The following THSD4 variants were observed in gnomAD, a reference collection of about 807,000 sequenced individuals.
THSD4 encodes the protein thrombospondin type 1 domain containing 4.
Under a neutral mutation model 119.0 loss-of-function variants are expected in THSD4, and 69 were observed. That is an observed-to-expected ratio of 0.58 (90% CI 0.48 to 0.71). THSD4 has a LOEUF of 0.71. THSD4 is among the 30% of genes least tolerant of loss of function. The pLI, the probability that THSD4 is intolerant of heterozygous loss-of-function variation, is 0.00. For synonymous variants in THSD4, 524 were observed against 540.4 expected (o/e 0.97, Z 0.42); for missense variants, 1,393 against 1,391.1 (o/e 1.00, Z -0.02).
chr15:71,302,258 C>T (rs948961895), intron 6 of THSD4, among the ~76,000 whole-genome samples: 2 of 152,006 alleles, frequency 1.3e-5, no homozygotes, highest in Non-Finnish European at 2.9e-5. Flanking sequence ...CCAGAGGTGG[C>T]GGAAGGGTAG....
chr15:71,452,260 A>G (rs953640297), intron 7 of THSD4, among the ~76,000 whole-genome samples: 15 of 152,240 alleles, frequency 9.9e-5, no homozygotes, highest in Non-Finnish European at 1.0e-4. Flanking sequence ...TCACTCTGCA[A>G]GGTGATCTCC....
rs576652829 is a variant in THSD4, at chr15:71,637,213, G to A, written c.1153-23317G>A. Among the ~76,000 whole-genome samples the A allele has an allele frequency of 3.9e-5, 6 of 152,160 alleles. No homozygotes were observed. In the South Asian group the frequency reaches 6.2e-4, roughly 16 times the overall value. On this transcript the variant is annotated intron_variant, in intron 7 of 17. Coordinates refer to ENST00000261862, the MANE Select transcript of THSD4 (RefSeq NM_024817.3). ...CAAGTCCAATTAACTATTTTTCACC[G>A]TTGTTTACAGAGCTTTAACTTCTCA... is the stretch of plus-strand genomic sequence containing the variant.
At chr15:71,310,865 G>A (rs772367518) in intron 6 of THSD4, among the ~76,000 whole-genome samples, 20 of 152,162 alleles carry the variant, frequency 1.3e-4, no homozygotes, top group Non-Finnish European at 2.4e-4. Flanking sequence ...GGGGGCAGGA[G>A]AATGTCAAAG....
At chr15:71,217,484 G>C (rs1426346493) in intron 4 of THSD4, among the ~76,000 whole-genome samples, 2 of 151,974 alleles carry the variant, frequency 1.3e-5, no homozygotes, top group Admixed American at 1.3e-4. Flanking sequence ...TTAGCCAGAC[G>C]TGGTGGCGGG....
At chr15:71,318,966 G>T (rs1341371657) in intron 6 of THSD4, among the ~76,000 whole-genome samples, 1 of 152,172 alleles carries the variant, frequency 6.6e-6, no homozygotes, top group Non-Finnish European at 1.5e-5. Context: ...CAGAGTTTCA[G>T]TTTCCTCAGT....
At chr15:71,439,820 A>C (rs1042384852) in intron 7 of THSD4, among the ~76,000 whole-genome samples, 1 of 152,128 alleles carries the variant, frequency 6.6e-6, no homozygotes, top group African/African-American at 2.4e-5. Context: ...CAATGAGAAC[A>C]CATGGACACA....
intron 7 of THSD4, among the ~76,000 whole-genome samples, chr15:71,546,454 G>A (rs1479242560): frequency 5.9e-5 from 9 of 152,166 alleles, no homozygotes; most frequent in Admixed American, 5.9e-4. Context: ...TTCCCAGCCT[G>A]CTCCCCATGC....
chr15:71,347,962 C>T (rs767331689), intron 6 of THSD4, among the ~76,000 whole-genome samples: 38 of 152,216 alleles, frequency 2.5e-4, no homozygotes, highest in Admixed American at 3.3e-4. Flanking sequence ...TTACCCTCTG[C>T]ATACTCATTC....
chr15:71,383,598 AT>A (rs1174883610), intron 6 of THSD4, among the ~76,000 whole-genome samples: 5 of 152,068 alleles, frequency 3.3e-5, no homozygotes, highest in Non-Finnish European at 7.4e-5. Flanking sequence ...ACGAATGTGG[AT>A]TTTTTTTAAT....
intron 6 of THSD4, among the ~76,000 whole-genome samples, chr15:71,273,419 T>C (rs1352993621): frequency 6.6e-6 from 1 of 152,148 alleles, no homozygotes; most frequent in African/African-American, 2.4e-5. Context: ...AGTAAAATGT[T>C]GGTCAAAGGG....
chr15:71,299,345 T>A (rs976458973), intron 6 of THSD4, among the ~76,000 whole-genome samples: 3 of 152,244 alleles, frequency 2.0e-5, no homozygotes, highest in Non-Finnish European at 2.9e-5. Context: ...GCCACTCCTC[T>A]GTTCTGGGTA....
At chr15:71,630,162 C>CA (rs1387118673) in intron 7 of THSD4, among the ~76,000 whole-genome samples, 4 of 152,230 alleles carry the variant, frequency 2.6e-5, no homozygotes, top group East Asian at 3.9e-4. Flanking sequence ...AACAAACAGA[C>CA]AAAAAACAGA....
chr15:71,368,589 G>A (rs903860582), intron 6 of THSD4, among the ~76,000 whole-genome samples: 2 of 152,294 alleles, frequency 1.3e-5, no homozygotes, highest in Admixed American at 1.3e-4. Context: ...AAGATCAGAT[G>A]GTTGTAGGTG....
At chr15:71,113,790 T>A (rs2040325668), upstream of THSD4, 2 of 152,356 alleles carry the variant, frequency 1.3e-5, no homozygotes, top group East Asian at 1.9e-4. Context: ...AATAAATCAA[T>A]CTTGTTTGAA....
chr15:71,763,347 T>C (rs2141205592), intron 15 of THSD4, among the ~76,000 whole-genome samples: 1 of 151,204 alleles, frequency 6.6e-6, no homozygotes, highest in East Asian at 1.9e-4. Flanking sequence ...GCAGGCTTCT[T>C]ATAAAGGTAG....
chr15:71,436,819 G>A (rs1363054104), intron 7 of THSD4, among the ~76,000 whole-genome samples: 1 of 152,204 alleles, frequency 6.6e-6, no homozygotes, highest in African/African-American at 2.4e-5. Context: ...GTGGCAATTT[G>A]AGGGATAGTA....
Position 71,351,380 on chromosome 15 carries a change from T to C in THSD4, c.1016-60307T>C, listed in dbSNP as rs141989158. Among the ~76,000 whole-genome samples the C allele has an allele frequency of 8.5e-4, 130 of 152,238 alleles. 3 individuals carry two copies. In the East Asian group the frequency reaches 0.025, roughly 29 times the overall value. On this transcript the variant is annotated intron_variant, in intron 6 of 17. Transcript: ENST00000261862. ...TTGCAAAGGGAAAAGAAAAATCCCT[T>C]CTTTAGGGAAACTATACATACATAA...
chr15:71,543,048 G>A (rs1392464897), intron 7 of THSD4, among the ~76,000 whole-genome samples: 3 of 55,160 alleles, frequency 5.4e-5, no homozygotes, highest in Non-Finnish European at 1.1e-4. Context: ...GTGGTCTCCT[G>A]GATTGGGTCC....
chr15:71,467,112 T>C (rs1028580600), intron 7 of THSD4, among the ~76,000 whole-genome samples: 1 of 152,240 alleles, frequency 6.6e-6, no homozygotes, highest in African/African-American at 2.4e-5. Context: ...GCCTCTCCAC[T>C]TCTACAACCT....
Sources: gnomAD v4.1 joint callset for allele counts (sites outside exome capture counted in the v4.1 genomes callset) on GRCh38, gnomAD v4.1.1 for gene constraint, MANE v1.5 for transcripts, NCBI Gene and HGNC (gene_info 2026-07-23, HGNC 2026-07-21) for gene names.